SULF1: variants seen among roughly 807,000 people sequenced by gnomAD.
SULF1 encodes the protein extracellular sulfatase Sulf-1.
A neutral mutation model predicts 110.5 loss-of-function variants in SULF1; 46 were observed. The observed-to-expected ratio is 0.42, with a 90% CI of 0.33 to 0.53. SULF1 has a LOEUF of 0.53. Ranked by LOEUF, SULF1 falls within the 20% of genes least tolerant of loss-of-function variation. The probability of loss-of-function intolerance (pLI) is 0.12; values close to 1 mark genes in which losing one functional copy is unlikely to be tolerated. For missense variants in SULF1, 941 were observed against 1,094.2 expected (o/e 0.86, Z 1.98); for synonymous variants, 371 against 387.1 (o/e 0.96, Z 0.49).
At chr8:69,601,141 T>C (rs75529104) in intron 9 of SULF1, among the ~76,000 whole-genome samples, 7,553 of 152,310 alleles carry the variant, frequency 0.05, 222 homozygotes, top group Middle Eastern at 0.092. Context: ...GAAATGTGGA[T>C]CAAGTATCAG....
chr8:69,550,573 C>T (rs1001548776), intron 3 of SULF1, among the ~76,000 whole-genome samples: 6 of 151,574 alleles, frequency 4.0e-5, no homozygotes, highest in African/African-American at 1.5e-4. Flanking sequence ...AATGAGGGGG[C>T]GAGGGGAAAA....
At chr8:69,635,847 G>A (rs1205676708) in intron 19 of SULF1, among the ~76,000 whole-genome samples, 2 of 151,672 alleles carry the variant, frequency 1.3e-5, no homozygotes, top group African/African-American at 4.9e-5. Context: ...TCGAGCTTGG[G>A]CAACAGAGCA....
intron 3 of SULF1, among the ~76,000 whole-genome samples, chr8:69,546,531 A>G (rs919958168): frequency 2.0e-5 from 3 of 152,236 alleles, no homozygotes; most frequent in Non-Finnish European, 4.4e-5. Flanking sequence ...TTTTCTATTT[A>G]AAATTTTGCG....
intron 3 of SULF1, among the ~76,000 whole-genome samples, chr8:69,527,906 G>A (rs1193216167): frequency 6.6e-6 from 1 of 152,146 alleles, no homozygotes; most frequent in Non-Finnish European, 1.5e-5. Context: ...GAGGAAATGA[G>A]AAGGAGGGAA....
chr8:69,483,441 T>C (rs1297606464), intron 1 of SULF1, among the ~76,000 whole-genome samples: 1 of 152,178 alleles, frequency 6.6e-6, no homozygotes, highest in Non-Finnish European at 1.5e-5. Context: ...ACTTATACCA[T>C]TAATGTTCAC....
intron 13 of SULF1, among the ~76,000 whole-genome samples, chr8:69,613,912 A>G (rs1808867495): frequency 6.6e-6 from 1 of 152,148 alleles, no homozygotes; most frequent in African/African-American, 2.4e-5. Context: ...TGGAATCCAG[A>G]AGAACAAAGA....
chr8:69,530,365 T>C (rs1360735639), intron 3 of SULF1, among the ~76,000 whole-genome samples: 4 of 152,194 alleles, frequency 2.6e-5, no homozygotes, highest in Non-Finnish European at 1.5e-5. Context: ...CCATTGTCTA[T>C]GTGGAATCTT....
At chr8:69,638,239 G>A (rs1376283427) in intron 19 of SULF1, 2 of 433,904 alleles carry the variant, frequency 4.6e-6, no homozygotes, top group African/African-American at 4.1e-5. Flanking sequence ...GAGCTAAGGG[G>A]AGGATAAACT....
rs541827062 is a variant in SULF1, at chr8:69,601,443, G to A, written c.886-211G>A. On this transcript the variant is annotated intron_variant, in intron 9 of 22. Transcript: ENST00000402687. ...AACAAAAAGCCTAAAAGTAGAATGT[G>A]CTAGATTCCAAAAAGTTACATTTCA... Among the ~76,000 whole-genome samples, 177 of 152,292 alleles carry A rather than the reference G, an allele frequency of 1.2e-3. 3 individuals carry two copies. Among genetic ancestry groups the A allele is most frequent in the Admixed American group, 7.2e-3 (110 of 15,292 alleles).
Position 69,578,459 on chromosome 8 carries a change from C to T in SULF1, c.412+2250C>T, listed in dbSNP as rs112070682. 9.0e-3 allele frequency among the ~76,000 whole-genome samples: 1,361 copies of T among 150,620 alleles called. 28 individuals carry two copies. Among genetic ancestry groups the T allele is most frequent in the African/African-American group, 0.031 (1,277 of 40,918 alleles). Reference sequence around the variant, plus strand: ...TGCTGGTGTGCTGCACCCATTAACTCGTCATTTAGCATAAGGTATATCTCC... The same window carrying T: ...TGCTGGTGTGCTGCACCCATTAACTTGTCATTTAGCATAAGGTATATCTCC... On this transcript the variant is annotated intron_variant, in intron 6 of 22. Coordinates refer to ENST00000402687, the MANE Select transcript of SULF1 (RefSeq NM_001128205.2).
chr8:69,581,458 G>T (rs1313895461), intron 6 of SULF1, among the ~76,000 whole-genome samples: 1 of 152,118 alleles, frequency 6.6e-6, no homozygotes, highest in African/African-American at 2.4e-5. Context: ...TTACAATCAG[G>T]TCTTCTGATC....
intron 8 of SULF1, among the ~76,000 whole-genome samples, chr8:69,591,206 A>T (rs1229226485): frequency 1.3e-5 from 2 of 152,112 alleles, no homozygotes; most frequent in Non-Finnish European, 2.9e-5. Flanking sequence ...TCAGTACTGC[A>T]TGAGGGGAGG....
intron 22 of SULF1, among the ~76,000 whole-genome samples, chr8:69,647,774 C>T (rs976474953): frequency 6.6e-6 from 1 of 151,900 alleles, no homozygotes; most frequent in African/African-American, 2.4e-5. Flanking sequence ...TGCCTGTAAT[C>T]CCAGCTACTC....
At chr8:69,472,186 T>C (rs963989207) in intron 1 of SULF1, among the ~76,000 whole-genome samples, 3 of 152,200 alleles carry the variant, frequency 2.0e-5, no homozygotes, top group African/African-American at 7.2e-5. Flanking sequence ...TGCTATGCTG[T>C]TGGGGAACAA....
chr8:69,523,760 G>C (rs1055557887), intron 3 of SULF1, among the ~76,000 whole-genome samples: 6 of 152,084 alleles, frequency 3.9e-5, no homozygotes, highest in Admixed American at 3.3e-4. Context: ...GGATTGAAGA[G>C]CCCTGCCTTG....
intron 3 of SULF1, among the ~76,000 whole-genome samples, chr8:69,526,534 G>A (rs569991336): frequency 6.6e-6 from 1 of 150,648 alleles, no homozygotes; most frequent in South Asian, 2.1e-4. Flanking sequence ...GCCCAAGGTA[G>A]GAGGATTACT....
chr8:69,558,580 A>G (rs1161424710), intron 3 of SULF1, among the ~76,000 whole-genome samples: 2 of 152,232 alleles, frequency 1.3e-5, no homozygotes, highest in African/African-American at 4.8e-5. Context: ...TCACTCATCA[A>G]CAACTTTTAT....
Position 69,607,319 on chromosome 8 carries a change from G to A in SULF1, c.1377+2387G>A, listed in dbSNP as rs538543406. Reference sequence around the variant, plus strand: ...AAAATTTTGAGCCTTAATCTTTAAAGCAGTTATTGAATCTGTGGGTCAAAC... The same window carrying A: ...AAAATTTTGAGCCTTAATCTTTAAAACAGTTATTGAATCTGTGGGTCAAAC... On this transcript the variant is annotated intron_variant, in intron 13 of 22. Coordinates refer to ENST00000402687, the MANE Select transcript of SULF1 (RefSeq NM_001128205.2). Among the ~76,000 whole-genome samples the A allele has an allele frequency of 3.9e-5, 6 of 152,290 alleles. No homozygotes were observed. In the East Asian group the frequency reaches 1.2e-3, roughly 29 times the overall value.
chr8:69,519,140 G>A (rs1812123100), intron 3 of SULF1, among the ~76,000 whole-genome samples: 1 of 152,120 alleles, frequency 6.6e-6, no homozygotes, highest in Non-Finnish European at 1.5e-5. Flanking sequence ...GACCAGTCTG[G>A]TACCAGTTAT....
Sources: gnomAD v4.1 joint callset for allele counts (sites outside exome capture counted in the v4.1 genomes callset) on GRCh38, gnomAD v4.1.1 for gene constraint, MANE v1.5 for transcripts, NCBI Gene and HGNC (gene_info 2026-07-23, HGNC 2026-07-21) for gene names.